GRIK4: variants seen among roughly 807,000 people sequenced by gnomAD.
The protein encoded by GRIK4 is glutamate ionotropic receptor kainate type subunit 4.
Under a neutral mutation model 104.9 loss-of-function variants are expected in GRIK4, and 40 were observed. The ratio of observed to expected loss-of-function variants is 0.38; its 90% confidence interval spans 0.30 to 0.50. The LOEUF (loss-of-function observed/expected upper bound fraction) is 0.50. Among genes scored for constraint, GRIK4 ranks in the 20% least tolerant of loss-of-function variants. The pLI, the probability that GRIK4 is intolerant of heterozygous loss-of-function variation, is 0.93. For missense variants in GRIK4, 1,047 were observed against 1,308.1 expected (o/e 0.80, Z 3.08); for synonymous variants, 485 against 524.9 (o/e 0.92, Z 1.04).
At chr11:120,650,147 A>G (rs1236239383) in intron 1 of GRIK4, among the ~76,000 whole-genome samples, 1 of 151,570 alleles carries the variant, frequency 6.6e-6, no homozygotes, top group Non-Finnish European at 1.5e-5. Context: ...ACCTCTGCCT[A>G]CCTCCCTTTC....
rs115784078 is a variant in GRIK4, at chr11:120,817,311, A to G, written c.345+1836A>G. 2.1e-3 allele frequency among the ~76,000 whole-genome samples: 318 copies of G among 152,094 alleles called. 2 individuals carry two copies. The highest frequency in any genetic ancestry group is 7.1e-3 in the African/African-American group (296 of 41,476). ...AAGCCAAGCCCATGATCTGCAGCCA[A>G]CTCCTCTGCCCCTGTGCCAGACCAG... On this transcript the variant is annotated intron_variant, in intron 5 of 20. Transcript: ENST00000527524.
At chr11:120,850,579 C>T (rs1953950585) in intron 8 of GRIK4, among the ~76,000 whole-genome samples, 1 of 152,126 alleles carries the variant, frequency 6.6e-6, no homozygotes, top group African/African-American at 2.4e-5. Context: ...AGGGCCCATC[C>T]CTTGCCTCCT....
chr11:120,693,479 A>G (rs1950397976), intron 3 of GRIK4, among the ~76,000 whole-genome samples: 1 of 152,180 alleles, frequency 6.6e-6, no homozygotes, highest in Admixed American at 6.5e-5. Flanking sequence ...CAGTTAAGAG[A>G]CTGTTGGAGT....
chr11:120,981,345 G>C (rs982467126), intron 19 of GRIK4, among the ~76,000 whole-genome samples: 2 of 152,192 alleles, frequency 1.3e-5, no homozygotes, highest in African/African-American at 4.8e-5. Context: ...AACAATGTCT[G>C]ACTCCCAGGA....
At chr11:120,860,425 G>A (rs893629197) in intron 8 of GRIK4, among the ~76,000 whole-genome samples, 1 of 152,114 alleles carries the variant, frequency 6.6e-6, no homozygotes, top group African/African-American at 2.4e-5. Flanking sequence ...ACTCACACCT[G>A]CAGGCTAACA....
chr11:120,703,888 A>G (rs562223258), intron 3 of GRIK4, among the ~76,000 whole-genome samples: 1 of 152,170 alleles, frequency 6.6e-6, no homozygotes, highest in Non-Finnish European at 1.5e-5. Context: ...ACTCGTCTTG[A>G]TCATCTTTGG....
In GRIK4 at chr11:120,967,433, G is replaced by C. The variant is rs924457776; in HGVS notation, c.2395+110G>C. The C allele has an allele frequency of 3.6e-5, 42 of 1,177,626 alleles. No individual in the cohort carries two copies. The African/African-American group carries it at 5.4e-4, about 15-fold the overall frequency. 72.9% of individuals were successfully genotyped at this position (1,177,626 alleles called of 1,614,324 possible). ...TGACTTGTAGGACCCATTGAGAACG[G>C]CCTTGGAAGGAACCTAGGTATAAAG... is the stretch of plus-strand genomic sequence containing the variant. On this transcript the variant is annotated intron_variant, in intron 19 of 20. Coordinates refer to ENST00000527524, the MANE Select transcript of GRIK4 (RefSeq NM_014619.5). The surrounding 1 kb of genome is among the most constrained non-coding windows in gnomAD (Gnocchi z 4.2).
chr11:120,982,639 T>C (rs979593736), intron 20 of GRIK4, among the ~76,000 whole-genome samples: 3 of 152,170 alleles, frequency 2.0e-5, no homozygotes, highest in African/African-American at 7.2e-5. Context: ...ACATAAACTT[T>C]ACCCAGGTTG....
At chr11:120,695,135 G>A (rs1231696960) in intron 3 of GRIK4, among the ~76,000 whole-genome samples, 1 of 152,200 alleles carries the variant, frequency 6.6e-6, no homozygotes, top group East Asian at 1.9e-4. Context: ...CTCTCCTCCT[G>A]CTGGAGGTCA....
At chr11:120,971,744 A>T (rs1944479175) in intron 19 of GRIK4, among the ~76,000 whole-genome samples, 1 of 152,208 alleles carries the variant, frequency 6.6e-6, no homozygotes, top group South Asian at 2.1e-4. Context: ...TGGAATGGTC[A>T]GGGAAGGCTT....
intron 1 of GRIK4, among the ~76,000 whole-genome samples, chr11:120,529,024 G>A (rs1034728371): frequency 1.3e-4 from 20 of 152,086 alleles, no homozygotes; most frequent in Admixed American, 1.2e-3. Context: ...CACTCTGCCT[G>A]CAACTCCTCC....
At chr11:120,641,075 G>C (rs1949466693) in intron 1 of GRIK4, among the ~76,000 whole-genome samples, 2 of 152,230 alleles carry the variant, frequency 1.3e-5, no homozygotes, top group Non-Finnish European at 2.9e-5. Context: ...TACAGGCTTT[G>C]AACTTCGTGG....
At chr11:120,781,633 T>G (rs1028260684) in intron 3 of GRIK4, among the ~76,000 whole-genome samples, 1 of 152,212 alleles carries the variant, frequency 6.6e-6, no homozygotes, top group African/African-American at 2.4e-5. Context: ...ATTGCAGGCA[T>G]GAGCCACCGT....
rs1320854275 is a variant in GRIK4, at chr11:120,555,484, A to T, written c.-159+43597A>T. Among the ~76,000 whole-genome samples the T allele has an allele frequency of 1.3e-5, 2 of 152,180 alleles. No individual in the cohort carries two copies. Among genetic ancestry groups the T allele is most frequent in the African/African-American group, 2.4e-5 (1 of 41,434 alleles). On this transcript the variant is annotated intron_variant, in intron 1 of 20. Transcript: ENST00000527524. This position sits in a 1 kb window ranked among gnomAD's most constrained non-coding sequence, Gnocchi z 5.3. ...ATGTACTCGCCGAGCCAGCATTCAC[A>T]CACTTTCTCCTCTTCACTCAGTAAA...
intron 2 of GRIK4, among the ~76,000 whole-genome samples, chr11:120,654,261 T>C (rs1949665075): frequency 6.6e-6 from 1 of 152,244 alleles, no homozygotes; most frequent in African/African-American, 2.4e-5. Context: ...GATAAGTTAC[T>C]GAGCCTTTCT....
intron 1 of GRIK4, among the ~76,000 whole-genome samples, chr11:120,529,871 T>G: frequency 6.6e-6 from 1 of 152,226 alleles, no homozygotes; most frequent in East Asian, 1.9e-4. Context: ...GCTGTTGACC[T>G]GTTTTATAGA....
chr11:120,660,507 C>T (rs559401746), intron 3 of GRIK4, 107 bp downstream of exon 3: 3 of 792,902 alleles, frequency 3.8e-6, no homozygotes, highest in South Asian at 3.2e-5. Context: ...AGCCCGTGCA[C>T]TGTGCCCTCC....
At position 120,985,011 on chromosome 11, in the gene GRIK4, T is replaced by C. The variant is rs368374694; in HGVS notation, c.2515-893T>C. Among the ~76,000 whole-genome samples, 3 of 151,868 alleles carry C rather than the reference T, an allele frequency of 2.0e-5. No homozygotes were observed. The East Asian group carries it at 5.9e-4, about 30-fold the overall frequency. ...GCCCAGCTAAATTTTGTGGTTTTAG[T>C]AGAGACAGGGTTTCACCATGTTGGC... On this transcript the variant is annotated intron_variant, in intron 20 of 20. Coordinates refer to ENST00000527524, the MANE Select transcript of GRIK4 (RefSeq NM_014619.5).
At chr11:120,676,094 G>C (rs1950094954) in intron 3 of GRIK4, among the ~76,000 whole-genome samples, 1 of 152,100 alleles carries the variant, frequency 6.6e-6, no homozygotes, top group African/African-American at 2.4e-5. Flanking sequence ...CCATTTTCTT[G>C]CTGGCTGTCA....
Sources: gnomAD v4.1 joint callset for allele counts (sites outside exome capture counted in the v4.1 genomes callset) on GRCh38, gnomAD v4.1.1 for gene constraint, Gnocchi (gnomAD v3.1) non-coding constraint, MANE v1.5 for transcripts, NCBI Gene and HGNC (gene_info 2026-07-23, HGNC 2026-07-21) for gene names.